GMDS: variants seen among roughly 807,000 people sequenced by gnomAD.
GMDS encodes the protein GDP-mannose 4,6-dehydratase, also known as GDP-mannose 4,6 dehydratase.
A neutral mutation model predicts 49.9 loss-of-function variants in GMDS; 20 were observed. The ratio of observed to expected loss-of-function variants is 0.40; its 90% CI spans 0.28 to 0.58. The LOEUF (loss-of-function observed/expected upper bound fraction) is 0.58. Ranked by LOEUF, GMDS falls within the 20% of genes least tolerant of loss-of-function variation. The pLI, the probability that GMDS is intolerant of heterozygous loss-of-function variation, is 0.42. For missense variants in GMDS, 362 were observed against 481.4 expected, an observed-to-expected ratio of 0.75 and a Z score of 2.32; for synonymous variants, 177 against 178.6, an observed-to-expected ratio of 0.99 and a Z score of 0.07.
intron 1 of GMDS, among the ~76,000 whole-genome samples, chr6:2,212,488 A>C (rs1335530840): frequency 2.6e-5 from 4 of 152,196 alleles, no homozygotes; most frequent in Non-Finnish European, 5.9e-5. Context: ...TTAGATAATA[A>C]TACAAGTTAT....
At chr6:2,141,871 TC>T (rs1776311293) in intron 1 of GMDS, among the ~76,000 whole-genome samples, 2 of 150,488 alleles carry the variant, frequency 1.3e-5, no homozygotes, top group Non-Finnish European at 3.0e-5. Flanking sequence ...GCGTGCTCTC[TC>T]TCTCTCTCTC....
chr6:1,950,655 A>G (rs763687807), intron 6 of GMDS, among the ~76,000 whole-genome samples: 13 of 152,260 alleles, frequency 8.5e-5, no homozygotes, highest in African/African-American at 1.7e-4. Flanking sequence ...AGTGATACCT[A>G]AAGAAAAATG....
At chr6:1,973,442 G>C (rs1209612152) in intron 4 of GMDS, among the ~76,000 whole-genome samples, 4 of 152,032 alleles carry the variant, frequency 2.6e-5, no homozygotes, top group Non-Finnish European at 5.9e-5. Context: ...TTATATGAGG[G>C]GTATTTAGCC....
chr6:1,835,407 C>T (rs1345830266), intron 7 of GMDS, among the ~76,000 whole-genome samples: 1 of 152,176 alleles, frequency 6.6e-6, no homozygotes, highest in African/African-American at 2.4e-5. Context: ...GCTGGGAGAT[C>T]AGCAGCATTC....
At chr6:1,637,060 C>T (rs1206167670) in intron 9 of GMDS, among the ~76,000 whole-genome samples, 2 of 152,240 alleles carry the variant, frequency 1.3e-5, no homozygotes, top group African/African-American at 4.8e-5. Context: ...CCTAGCCCAG[C>T]GCCAGGCATG....
intron 1 of GMDS, among the ~76,000 whole-genome samples, chr6:2,193,571 G>A (rs1779146088): frequency 6.6e-6 from 1 of 152,050 alleles, no homozygotes; most frequent in African/African-American, 2.4e-5. Flanking sequence ...CTTTTTCACT[G>A]TCATAAAAAG....
rs1561700673 is a variant in GMDS at position 1,652,431 on chromosome 6, ATATTATATATATTTATATATTATT to A, written c.988-27915_988-27892del. Among the ~76,000 whole-genome samples, 12 of 19,558 alleles carry A rather than the reference ATATTATATATATTTATATATTATT, an allele frequency of 6.1e-4. 1 individual carries two copies. Among genetic ancestry groups the A allele is most frequent in the African/African-American group, 1.7e-3 (9 of 5,318 alleles). The allele number at this position is 19,558 out of a possible 152,430, so 12.8% of individuals were successfully genotyped here. ...ATATTATATATAATATATATATAAT[ATATTATATATATTTATATATTATT>A]TATATATAATATATTATATATATTA... On this transcript the variant is annotated intron_variant, in intron 9 of 10. Coordinates refer to ENST00000380815, the MANE Select transcript of GMDS (RefSeq NM_001500.4).
intron 7 of GMDS, among the ~76,000 whole-genome samples, chr6:1,810,771 C>G (rs569400376): frequency 6.6e-6 from 1 of 152,274 alleles, no homozygotes; most frequent in East Asian, 1.9e-4. Flanking sequence ...ATGGCGAGAT[C>G]AGATTGGCAT....
chr6:2,061,579 C>T (rs1429340860), intron 4 of GMDS, among the ~76,000 whole-genome samples: 1 of 151,876 alleles, frequency 6.6e-6, no homozygotes, highest in Non-Finnish European at 1.5e-5. Context: ...ACTAGCCGGG[C>T]ATGGTGGTGC....
intron 8 of GMDS, among the ~76,000 whole-genome samples, chr6:1,729,805 T>C (rs537940391): frequency 2.1e-4 from 32 of 152,324 alleles, no homozygotes; most frequent in African/African-American, 7.7e-4. Flanking sequence ...AAATAAATTG[T>C]TGGCTCCTAA....
intron 6 of GMDS, among the ~76,000 whole-genome samples, chr6:1,940,672 C>A (rs539534372): frequency 3.9e-5 from 6 of 152,356 alleles, no homozygotes; most frequent in South Asian, 2.1e-4. Context: ...GGACAATTCA[C>A]AATGTGCATT....
rs375629681 is a variant in GMDS at position 2,244,123 on chromosome 6, G to A, written c.102+1198C>T. Among the ~76,000 whole-genome samples, 12 of 151,970 alleles carry A rather than the reference G, an allele frequency of 7.9e-5. No individual in the cohort carries two copies. In the East Asian group the frequency reaches 1.9e-3, roughly 25 times the overall value. ...CACCTCGAGCAATCCTTCCACCTCT[G>A]CACACCGAAGTGCTGAGATTTCAAG... On this transcript the variant is annotated intron_variant, in intron 1 of 10. Coordinates refer to ENST00000380815, the MANE Select transcript of GMDS (RefSeq NM_001500.4).
chr6:2,062,642 A>G (rs1236056817), intron 4 of GMDS, among the ~76,000 whole-genome samples: 1 of 152,252 alleles, frequency 6.6e-6, no homozygotes, highest in African/African-American at 2.4e-5. Context: ...TCAAAAAAAC[A>G]AAAGTCAAGA....
chr6:1,733,862 A>G (rs1766915015), intron 8 of GMDS, among the ~76,000 whole-genome samples: 2 of 151,936 alleles, frequency 1.3e-5, no homozygotes, highest in African/African-American at 4.8e-5. Flanking sequence ...TAAAAAAAAA[A>G]AAAGAGGGCC....
chr6:1,932,891 T>C (rs1395983419), intron 6 of GMDS, among the ~76,000 whole-genome samples: 2 of 152,242 alleles, frequency 1.3e-5, no homozygotes, highest in Non-Finnish European at 2.9e-5. Flanking sequence ...ATAATTCACA[T>C]AGCATACAAT....
chr6:1,661,782 T>C (rs935163788), intron 9 of GMDS, among the ~76,000 whole-genome samples: 4 of 152,110 alleles, frequency 2.6e-5, no homozygotes, highest in African/African-American at 9.6e-5. Flanking sequence ...CCAGCTGCAG[T>C]GATGGGGGGT....
At chr6:2,085,706 T>G (rs2483054) in intron 4 of GMDS, among the ~76,000 whole-genome samples, 8,560 of 152,182 alleles carry the variant, frequency 0.056, 809 homozygotes, top group African/African-American at 0.19. Flanking sequence ...TTTTGTATTT[T>G]TTGTAGAAAC....
At chr6:1,789,726 G>C (rs1275769712) in intron 7 of GMDS, among the ~76,000 whole-genome samples, 1 of 151,858 alleles carries the variant, frequency 6.6e-6, no homozygotes, top group African/African-American at 2.4e-5. Flanking sequence ...TTTTTGTAGA[G>C]ATGGGGTCTC....
chr6:1,780,024 A>G (rs1448288902), intron 7 of GMDS, among the ~76,000 whole-genome samples: 5 of 152,212 alleles, frequency 3.3e-5, no homozygotes, highest in Non-Finnish European at 7.3e-5. Context: ...CCCACCCAAC[A>G]GCTCTCTCAG....
Sources: gnomAD v4.1 joint callset for allele counts (sites outside exome capture counted in the v4.1 genomes callset) on GRCh38, gnomAD v4.1.1 for gene constraint, MANE v1.5 for transcripts, NCBI Gene and HGNC (gene_info 2026-07-23, HGNC 2026-07-21) for gene names.